Variants in INPP4B observed in about 807,000 individuals in gnomAD.
INPP4B encodes inositol polyphosphate 4-phosphatase type II.
INPP4B carries 55 observed loss-of-function variants against 122.5 expected under a neutral mutation model. The observed-to-expected ratio is 0.45, with a 90% CI of 0.36 to 0.56. The LOEUF is 0.56. INPP4B is among the 20% of genes least tolerant of loss of function. INPP4B has a pLI of 0.00. For missense variants in INPP4B, 1,000 were observed against 1,097.7 expected (o/e 0.91, Z 1.26); for synonymous variants, 403 against 388.7 (o/e 1.04, Z -0.43).
rs967431165 is a variant in INPP4B, at chr4:142,024,092, A to G, written c.*4690T>C. The G allele has an allele frequency of 7.9e-5, 12 of 152,232 alleles. No individual in the cohort carries two copies. The highest frequency in any genetic ancestry group is 2.9e-4 in the African/African-American group (12 of 41,552). 9.4% of individuals were successfully genotyped at this position (152,232 alleles called of 1,614,324 possible). A position where few individuals can be genotyped will look rare whatever the true frequency, so the allele number is the denominator to read the frequency against. ...GATTAATGTACACCATGATTCAGAAAAACAAATGCAAATTTCCATACATTA... is the reference window on the plus strand; with the variant it reads ...GATTAATGTACACCATGATTCAGAAGAACAAATGCAAATTTCCATACATTA... On this transcript the variant is annotated 3_prime_UTR_variant, in exon 26 of 26. Transcript: ENST00000262992.
chr4:142,297,118 T>G (rs1391035355), intron 9 of INPP4B, among the ~76,000 whole-genome samples: 1 of 152,224 alleles, frequency 6.6e-6, no homozygotes, highest in Non-Finnish European at 1.5e-5. Flanking sequence ...TTCAACCTTT[T>G]ATTGCTAAAG....
chr4:142,625,970 A>G (rs1020453355), intron 2 of INPP4B, among the ~76,000 whole-genome samples: 4 of 152,190 alleles, frequency 2.6e-5, no homozygotes, highest in African/African-American at 9.6e-5. Context: ...TACGCCTTAT[A>G]CAAAAATTAA....
intron 7 of INPP4B, among the ~76,000 whole-genome samples, chr4:142,396,276 C>T (rs752135638): frequency 1.3e-5 from 2 of 152,044 alleles, no homozygotes. Context: ...AGAAAAAGAA[C>T]CCTTTTTTTA....
rs148424946 is a variant in INPP4B, at chr4:142,831,037, A to T, written c.-254+15172T>A. On this transcript the variant is annotated intron_variant, in intron 1 of 25. Coordinates refer to ENST00000262992, the MANE Select transcript of INPP4B (RefSeq NM_001101669.3). Reference sequence around the variant, plus strand: ...ACCCTGTCTCAAAAAAGGAAAAAAAAAAATAGATGCAAGAGTGTAGTAGAT... The same window carrying T: ...ACCCTGTCTCAAAAAAGGAAAAAAATAAATAGATGCAAGAGTGTAGTAGAT... Among the ~76,000 whole-genome samples, 1,247 of 149,750 alleles carry T rather than the reference A, an allele frequency of 8.3e-3. 11 individuals carry two copies. Among genetic ancestry groups the T allele is most frequent in the African/African-American group, 0.025 (978 of 39,336 alleles).
intron 21 of INPP4B, among the ~76,000 whole-genome samples, chr4:142,115,251 A>C (rs1792491631): frequency 1.3e-5 from 2 of 152,206 alleles, no homozygotes; most frequent in South Asian, 2.1e-4. Context: ...GATATTATTC[A>C]GGAGAACGTC....
chr4:142,366,507 GAAGA>G (rs1183498056), intron 7 of INPP4B, among the ~76,000 whole-genome samples: 48 of 152,170 alleles, frequency 3.2e-4, no homozygotes, highest in African/African-American at 1.4e-4. Context: ...AAATTAAAAA[GAAGA>G]AATAAAGTGA....
At chr4:142,504,086 A>T (rs1446367363) in intron 2 of INPP4B, among the ~76,000 whole-genome samples, 2 of 152,094 alleles carry the variant, frequency 1.3e-5, no homozygotes, top group Admixed American at 6.5e-5. Flanking sequence ...TTCTGAGGCA[A>T]ACAAGTCAAT....
chr4:142,316,482 T>C (rs146387178), intron 7 of INPP4B, among the ~76,000 whole-genome samples: 8 of 152,192 alleles, frequency 5.3e-5, no homozygotes, highest in African/African-American at 1.9e-4. Flanking sequence ...TGTATATGTA[T>C]AGTTTGTTAT....
At chr4:142,055,977 C>G (rs1039183448) in intron 25 of INPP4B, among the ~76,000 whole-genome samples, 1 of 151,880 alleles carries the variant, frequency 6.6e-6, no homozygotes, top group Non-Finnish European at 1.5e-5. Flanking sequence ...ATGGTCACAT[C>G]TGGGGGTGAT....
chr4:142,440,300 C>T (rs1472644351), intron 3 of INPP4B, among the ~76,000 whole-genome samples: 1 of 152,056 alleles, frequency 6.6e-6, no homozygotes, highest in African/African-American at 2.4e-5. Context: ...GAGTATAGGG[C>T]AGAAGGAAAG....
chr4:142,095,456 T>C (rs1314835948), intron 23 of INPP4B, among the ~76,000 whole-genome samples: 1 of 152,216 alleles, frequency 6.6e-6, no homozygotes, highest in Non-Finnish European at 1.5e-5. Context: ...CGTTTTTCTG[T>C]TGATTGGACA....
At chr4:142,690,420 C>G (rs1473116264) in intron 2 of INPP4B, among the ~76,000 whole-genome samples, 1 of 151,812 alleles carries the variant, frequency 6.6e-6, no homozygotes, top group Non-Finnish European at 1.5e-5. Flanking sequence ...ATGTAAAAGC[C>G]TTTTAATTTC....
intron 25 of INPP4B, among the ~76,000 whole-genome samples, chr4:142,041,689 A>G (rs905010900): frequency 1.3e-5 from 2 of 152,176 alleles, no homozygotes; most frequent in Admixed American, 6.5e-5. Context: ...CAGTTCTTAC[A>G]TAGACAGTGA....
At chr4:142,153,332 T>C (rs1815379791) in intron 17 of INPP4B, among the ~76,000 whole-genome samples, 1 of 152,208 alleles carries the variant, frequency 6.6e-6, no homozygotes. Context: ...ATATTTACCA[T>C]AGTGTTTCCT....
intron 25 of INPP4B, among the ~76,000 whole-genome samples, chr4:142,070,515 G>T (rs560642158): frequency 1.3e-5 from 2 of 152,230 alleles, no homozygotes; most frequent in South Asian, 4.1e-4. Context: ...GGAAATAAAT[G>T]GTATTCAATG....
At chr4:142,072,976 G>A (rs1393760458) in intron 25 of INPP4B, among the ~76,000 whole-genome samples, 1 of 151,984 alleles carries the variant, frequency 6.6e-6, no homozygotes, top group African/African-American at 2.4e-5. Context: ...TAATTCCAAA[G>A]TCCTTCCTCT....
intron 1 of INPP4B, among the ~76,000 whole-genome samples, chr4:142,747,105 A>C (rs1768879743): frequency 6.6e-6 from 1 of 152,162 alleles, no homozygotes; most frequent in Non-Finnish European, 1.5e-5. Context: ...ATAGGAGAAA[A>C]TTTTTGCAAT....
At chr4:142,334,761 G>A (rs763270383) in intron 7 of INPP4B, among the ~76,000 whole-genome samples, 4 of 152,108 alleles carry the variant, frequency 2.6e-5, no homozygotes, top group Non-Finnish European at 4.4e-5. Flanking sequence ...TTGGATAAAT[G>A]TCTGTTCGGG....
intron 2 of INPP4B, among the ~76,000 whole-genome samples, chr4:142,640,134 A>C (rs1010129009): frequency 1.3e-5 from 2 of 152,178 alleles, no homozygotes; most frequent in Admixed American, 1.3e-4. Flanking sequence ...ACCGAATGTC[A>C]TATTTTCTAC....
Sources: gnomAD v4.1 joint callset for allele counts (sites outside exome capture counted in the v4.1 genomes callset) on GRCh38, gnomAD v4.1.1 for gene constraint, MANE v1.5 for transcripts, NCBI Gene and HGNC (gene_info 2026-07-23, HGNC 2026-07-21) for gene names.